Variants in POU5F1 observed in about 807,000 individuals in gnomAD.
The protein encoded by POU5F1 is POU domain, class 5, transcription factor 1.
Under a neutral mutation model 38.3 loss-of-function variants are expected in POU5F1, and 6 were observed. That is an observed-to-expected ratio of 0.16 (90% CI 0.09 to 0.31). The LOEUF is 0.31. Among genes scored for constraint, POU5F1 ranks in the 10% least tolerant of loss-of-function variants. POU5F1 has a pLI of 1.00. For missense variants in POU5F1, 286 were observed against 462.6 expected, an observed-to-expected ratio of 0.62 and a Z score of 3.50; for synonymous variants, 147 against 194.9, an observed-to-expected ratio of 0.75 and a Z score of 2.05.
In POU5F1 at chr6:31,165,813, C is replaced by T; in HGVS notation, c.527-112G>A. The T allele has an allele frequency of 6.4e-7, 1 of 1,556,608 alleles. No homozygotes were observed. Among genetic ancestry groups the T allele is most frequent in the Non-Finnish European group, 8.7e-7 (1 of 1,149,630 alleles). On this transcript the variant is annotated intron_variant, in intron 2 of 4. Transcript: ENST00000259915. The surrounding 1 kb of genome is among the most constrained non-coding windows in gnomAD (Gnocchi z 6.5). ...CAGAGGGAGCTCAAAGCATCTTCTCCCTCTCCCTACTCCTCTTCATGGGTG... is the reference window on the plus strand; with the variant it reads ...CAGAGGGAGCTCAAAGCATCTTCTCTCTCTCCCTACTCCTCTTCATGGGTG...
In POU5F1 at chr6:31,165,239, G is replaced by C. The variant is rs1391716274; in HGVS notation, c.705C>G (p.Thr235=). 6.2e-7 allele frequency: 1 copy of C among 1,611,388 alleles called. No individual in the cohort carries two copies. Among genetic ancestry groups the C allele is most frequent in the Non-Finnish European group, 8.5e-7 (1 of 1,179,188 alleles). ...TGCCTCTCACTCGGTTCTCGATACT[G>C]GTTCGCTTTCTCTTTCGGGCCTGCA... ...TLVQARKRKR[T]SIENRVRGNL... Residue 235 remains threonine, a synonymous_variant, in exon 4 of 5, where the codon ACC becomes ACG. Coordinates refer to ENST00000259915, the MANE Select transcript of POU5F1 (RefSeq NM_002701.6). This position sits in a 1 kb window ranked among gnomAD's most constrained non-coding sequence, Gnocchi z 6.5.
In POU5F1 at chr6:31,170,353, A is replaced by C. The variant is rs771128794; in HGVS notation, c.268T>G (p.Leu90Val). 6.2e-7 allele frequency: 1 copy of C among 1,612,612 alleles called. No individual in the cohort carries two copies. The highest frequency in any genetic ancestry group is 8.5e-7 in the Non-Finnish European group (1 of 1,179,836). ...VGVGLVPQGG[L>V]ETSQPEGEAG... ...TCGCCCTCAGGCTGAGAGGTCTCCA[A>C]GCCGCCTTGGGGCACTAGCCCCACT... Residue 90 changes from leucine (L) to valine (V), a missense_variant, in exon 1 of 5, where the codon TTG (leucine) becomes GTG (valine). Coordinates refer to ENST00000259915, the MANE Select transcript of POU5F1 (RefSeq NM_002701.6).
At chr6:31,167,610 A>G (rs2021375) in intron 1 of POU5F1, among the ~76,000 whole-genome samples, 82,511 of 151,518 alleles carry the variant, frequency 0.54, 22,826 homozygotes, top group African/African-American at 0.63. Flanking sequence ...CAGGAGGCTG[A>G]GGCAGGAGAA....
chr6:31,167,430 T>C (rs3130929), intron 1 of POU5F1, among the ~76,000 whole-genome samples: 117,285 of 151,060 alleles, frequency 0.78, 45,732 homozygotes, highest in Middle Eastern at 0.86. Context: ...TAAAGCAGTC[T>C]GGGCGCAGTG....
intron 1 of POU5F1, among the ~76,000 whole-genome samples, chr6:31,167,619 A>G (rs1242182776): frequency 6.6e-6 from 1 of 151,820 alleles, no homozygotes; most frequent in African/African-American, 2.4e-5. Flanking sequence ...GAGGCAGGAG[A>G]ATTGCTTGAA....
In POU5F1 at chr6:31,164,719, G is replaced by A; in HGVS notation, c.965C>T (p.Thr322Ile). 1 of 1,600,136 alleles carries A rather than the reference G, an allele frequency of 6.2e-7. No homozygotes were observed. Among genetic ancestry groups the A allele is most frequent in the East Asian group, 2.2e-5 (1 of 44,468 alleles). ...GAAGTGAGGGCTCCCATAGCCTGGG[G>A]TACCAAAATGGGGCCCTGGGGCCAG... ...FPLAPGPHFG[T>I]PGYGSPHFTA... Residue 322 changes from threonine to isoleucine, a missense_variant, in exon 5 of 5, where the codon ACC (threonine) becomes ATC (isoleucine). Thr to Ile is a moderately conservative substitution (Grantham distance 89, BLOSUM62 -1). This residue lies in a region of POU5F1 where 110 missense variants were observed against 277.8 expected (regional missense o/e 0.40). Coordinates refer to ENST00000259915, the MANE Select transcript of POU5F1 (RefSeq NM_002701.6).
At chr6:31,167,618 G>T (rs900641500) in intron 1 of POU5F1, among the ~76,000 whole-genome samples, 1 of 152,050 alleles carries the variant, frequency 6.6e-6, no homozygotes, top group Admixed American at 6.5e-5. Flanking sequence ...TGAGGCAGGA[G>T]AATTGCTTGA....
At chr6:31,169,085 T>G (rs757432192) in intron 1 of POU5F1, among the ~76,000 whole-genome samples, 9 of 152,234 alleles carry the variant, frequency 5.9e-5, no homozygotes, top group Non-Finnish European at 8.8e-5. Flanking sequence ...TTTGGGGTTT[T>G]GGAATAAACA....
chr6:31,170,235 A>G lies in POU5F1; in HGVS notation c.386T>C (p.Leu129Pro). 1.9e-6 allele frequency: 3 copies of G among 1,612,858 alleles called. No individual in the cohort carries two copies. Among genetic ancestry groups the G allele is most frequent in the Non-Finnish European group, 2.5e-6 (3 of 1,179,824 alleles). Residue 129 changes from leucine to proline, a missense_variant, in exon 1 of 5, where the codon CTG becomes CCG. Transcript: ENST00000259915. Reference protein sequence around the residue: ...PGAVKLEKEKLEQNPEESQDI... With the variant: ...PGAVKLEKEKPEQNPEESQDI... ...ACTTGCCTCCTCCGGGTTTTGCTCC[A>G]GCTTCTCCTTCTCCAGCTTCACGGC...
chr6:31,168,722 G>C (rs140662390), intron 1 of POU5F1, among the ~76,000 whole-genome samples: 3 of 152,344 alleles, frequency 2.0e-5, no homozygotes, highest in African/African-American at 7.2e-5. Flanking sequence ...GCAACTGGGT[G>C]ATCAGGGTGG....
At chr6:31,166,801 A>G (rs1777297246) in intron 1 of POU5F1, 2 of 1,181,972 alleles carry the variant, frequency 1.7e-6, no homozygotes, top group Non-Finnish European at 2.1e-6. Flanking sequence ...GAAGAGCATC[A>G]TGTCTCAGAA....
chr6:31,166,907 G>A lies in POU5F1; in HGVS notation c.406-860C>T, dbSNP rs1238039827. ...CACAAACACAGCAAAAAAGTAACAG[G>A]TGTCATAAGAATGGATAAAGTGCTT... On this transcript the variant is annotated intron_variant, in intron 1 of 4. Transcript: ENST00000259915. The A allele has an allele frequency of 3.0e-6, 4 of 1,311,872 alleles. No individual in the cohort carries two copies. In the African/African-American group the frequency reaches 6.0e-5, roughly 20 times the overall value. The allele number at this position is 1,311,872 out of a possible 1,614,324, so 81.3% of individuals were successfully genotyped here.
rs927932522 is a variant in POU5F1 at position 31,170,509 on chromosome 6, A to G, written c.112T>C (p.Phe38Leu). The G allele has an allele frequency of 4.4e-6, 7 of 1,592,798 alleles. No homozygotes were observed. In the African/African-American group the frequency reaches 9.4e-5, roughly 21 times the overall value. The change falls in exon 1 of 5, where the codon TTC (phenylalanine) becomes CTC (leucine). Residue 38 changes from phenylalanine to leucine, a missense_variant. Phe to Leu is a conservative substitution (Grantham distance 22). Coordinates refer to ENST00000259915, the MANE Select transcript of POU5F1 (RefSeq NM_002701.6). The part of the protein sequence containing the change: ...GWVDPRTWLS[F>L]QGPPGGPGIG... ...CCTGGCCCTCCAGGAGGGCCTTGGA[A>G]GCTTAGCCAGGTCCGAGGATCAACC... is the stretch of plus-strand genomic sequence containing the variant.
chr6:31,166,797 C>A, intron 1 of POU5F1: 1 of 1,179,534 alleles, frequency 8.5e-7, no homozygotes, highest in Non-Finnish European at 1.1e-6. Flanking sequence ...AAAGGAAGAG[C>A]ATCATGTCTC....
chr6:31,164,654 C>A lies in POU5F1; in HGVS notation c.1030G>T (p.Ala344Ser). Residue 344 changes from alanine (A) to serine (S), a missense_variant, in exon 5 of 5, where the codon GCC becomes TCC. Transcript: ENST00000259915. ...GTGGTGACGGAGACAGGGGGAAAGG[C>A]TTCCCCCTCAGGGAAAGGGACCGAG... ...YSSVPFPEGE[A>S]FPPVSVTTLG... 8 of 1,584,838 alleles carry A rather than the reference C, an allele frequency of 5.0e-6. No homozygotes were observed. The highest frequency in any genetic ancestry group is 5.1e-6 in the Non-Finnish European group (6 of 1,165,312).
At chr6:31,166,658 C>CA in intron 1 of POU5F1, 1 of 1,060,522 alleles carries the variant, frequency 9.4e-7, no homozygotes, top group Non-Finnish European at 1.1e-6. Flanking sequence ...GACTCTGTCT[C>CA]AAAGAAAAAA....
chr6:31,165,679 G>C lies in POU5F1; in HGVS notation c.549C>G (p.Thr183=), dbSNP rs1777172331. 1 of 1,613,290 alleles carries C rather than the reference G, an allele frequency of 6.2e-7. No individual in the cohort carries two copies. The highest frequency in any genetic ancestry group is 8.5e-7 in the Non-Finnish European group (1 of 1,179,646). Residue 183 remains threonine (T), a synonymous_variant, in exon 3 of 5, where the codon ACC becomes ACG. Transcript: ENST00000259915. The surrounding 1 kb of genome is among the most constrained non-coding windows in gnomAD (Gnocchi z 6.5). The part of the protein sequence containing the change: ...VLFGKVFSQT[T]ICRFEALQLS... Reference sequence around the variant, plus strand: ...GCTGCAGAGCCTCAAAGCGGCAGATGGTCGTTTGGCTGAATACCTTCCCTG... The same window carrying C: ...GCTGCAGAGCCTCAAAGCGGCAGATCGTCGTTTGGCTGAATACCTTCCCTG...
At chr6:31,166,839 C>T in intron 1 of POU5F1, 1 of 1,241,092 alleles carries the variant, frequency 8.1e-7, no homozygotes, top group South Asian at 1.7e-5. Flanking sequence ...CTCTCCCCAG[C>T]TTGCTTTGAG....
At chr6:31,169,954 C>A in intron 1 of POU5F1, 2 of 599,500 alleles carry the variant, frequency 3.3e-6, no homozygotes, top group Non-Finnish European at 2.9e-6. Flanking sequence ...CAAAGGCCAG[C>A]CTGGGCCAGC....
Sources: gnomAD v4.1 joint callset for allele counts (sites outside exome capture counted in the v4.1 genomes callset) on GRCh38, gnomAD v4.1.1 for gene constraint, gnomAD v4.1.1 regional missense constraint, Gnocchi (gnomAD v3.1) non-coding constraint, MANE v1.5 for transcripts, NCBI Gene and HGNC (gene_info 2026-07-23, HGNC 2026-07-21) for gene names.